BNC2: variants seen among roughly 807,000 people sequenced by gnomAD.
BNC2 encodes the protein zinc finger protein basonuclin-2.
BNC2 carries 20 observed loss-of-function variants against 76.3 expected under a neutral mutation model. The ratio of observed to expected loss-of-function variants is 0.26; its 90% confidence interval spans 0.18 to 0.38. The LOEUF is 0.38. Ranked by LOEUF, BNC2 falls within the 10% of genes least tolerant of loss-of-function variation. The pLI, the probability that BNC2 is intolerant of heterozygous loss-of-function variation, is 1.00. For synonymous variants in BNC2, 582 were observed against 514.8 expected (o/e 1.13, Z -1.77); for missense variants, 1,382 against 1,399.8 (o/e 0.99, Z 0.20).
intron 5 of BNC2, among the ~76,000 whole-genome samples, chr9:16,467,959 C>T (rs914326374): frequency 6.6e-6 from 1 of 151,796 alleles, no homozygotes; most frequent in African/African-American, 2.4e-5. Flanking sequence ...CATGCTATCA[C>T]TTCTTCCAAT....
intron 1 of BNC2, chr9:16,832,262 A>G (rs1304693373): frequency 2.3e-6 from 3 of 1,283,398 alleles, no homozygotes; most frequent in Middle Eastern, 2.1e-4. Context: ...GAGAAAATCT[A>G]GAAGGTTCTT....
chr9:16,482,466 A>C (rs1352119542), intron 5 of BNC2, among the ~76,000 whole-genome samples: 1 of 152,196 alleles, frequency 6.6e-6, no homozygotes, highest in Non-Finnish European at 1.5e-5. Flanking sequence ...AGAAAAAAAA[A>C]ACCCTCTTCT....
intron 3 of BNC2, among the ~76,000 whole-genome samples, chr9:16,711,835 AT>A (rs1823861098): frequency 6.6e-6 from 1 of 152,254 alleles, no homozygotes; most frequent in Non-Finnish European, 1.5e-5. Context: ...TAAAAGGCAA[AT>A]TAAAGGTATT....
At chr9:16,694,919 G>C in intron 3 of BNC2, among the ~76,000 whole-genome samples, 1 of 152,152 alleles carries the variant, frequency 6.6e-6, no homozygotes. Context: ...GTGAGAACTA[G>C]GGGAGATGAA....
chr9:16,592,774 C>A (rs1819967375), intron 3 of BNC2, among the ~76,000 whole-genome samples: 1 of 152,156 alleles, frequency 6.6e-6, no homozygotes, highest in South Asian at 2.1e-4. Flanking sequence ...CATAAGATAT[C>A]ATTCCCCAGG....
At chr9:16,427,977 T>C (rs1357531106) in intron 6 of BNC2, among the ~76,000 whole-genome samples, 1 of 152,178 alleles carries the variant, frequency 6.6e-6, no homozygotes. Context: ...AAGTTTTTTT[T>C]AATGTGGATT....
intron 5 of BNC2, among the ~76,000 whole-genome samples, chr9:16,528,096 G>T (rs1817867179): frequency 6.6e-6 from 1 of 152,170 alleles, no homozygotes; most frequent in South Asian, 2.1e-4. Flanking sequence ...GAGCTGTGGG[G>T]TTAGAATGAC....
rs534078837 is a variant in BNC2 at position 16,460,923 on chromosome 9, A to G, written c.670-23399T>C. Among the ~76,000 whole-genome samples the G allele has an allele frequency of 5.3e-5, 8 of 152,110 alleles. No individual in the cohort carries two copies. In the East Asian group the frequency reaches 1.5e-3, roughly 29 times the overall value. On this transcript the variant is annotated intron_variant, in intron 5 of 6. Transcript: ENST00000380672. ...ATACTTGTGGCCTTAGCATAAACCCAAGGATTAACTGAAATCTTGATCCTA... is the reference window on the plus strand; with the variant it reads ...ATACTTGTGGCCTTAGCATAAACCCGAGGATTAACTGAAATCTTGATCCTA...
intron 1 of BNC2, among the ~76,000 whole-genome samples, chr9:16,768,091 G>A (rs987126097): frequency 6.6e-5 from 10 of 151,554 alleles, no homozygotes; most frequent in Admixed American, 4.6e-4. Flanking sequence ...TCAGTCTCTC[G>A]AGTAGCTGGG....
intron 1 of BNC2, among the ~76,000 whole-genome samples, chr9:16,761,599 T>C (rs10810616): frequency 0.46 from 69,509 of 152,166 alleles, 21,262 homozygotes; most frequent in Non-Finnish European, 0.69. Flanking sequence ...AACCATTCTA[T>C]TTAATTTATA....
chr9:16,723,505 G>A (rs1278393501), intron 3 of BNC2, among the ~76,000 whole-genome samples: 1 of 151,470 alleles, frequency 6.6e-6, no homozygotes, highest in African/African-American at 2.4e-5. Context: ...AAAAATTGGG[G>A]GGGGGGACAA....
At chr9:16,623,034 G>A (rs1820905714) in intron 3 of BNC2, among the ~76,000 whole-genome samples, 1 of 152,082 alleles carries the variant, frequency 6.6e-6, no homozygotes, top group African/African-American at 2.4e-5. Context: ...AAAACAGGAG[G>A]AGAAGATTAA....
rs567534587 is a variant in BNC2 at position 16,552,497 on chromosome 9, C to T, written c.669+33G>A. On this transcript the variant is annotated intron_variant, in intron 5 of 6. Coordinates refer to ENST00000380672, the MANE Select transcript of BNC2 (RefSeq NM_017637.6). ...ACCCTTCCCCACCCACAGTCGGCCC[C>T]GGACACGGGCGGCGTTCAAGTCCTC... is the stretch of plus-strand genomic sequence containing the variant. 1.9e-5 allele frequency: 31 copies of T among 1,595,830 alleles called. No individual in the cohort carries two copies. The East Asian group carries it at 2.0e-4, about 10-fold the overall frequency.
At chr9:16,456,530 CAAA>C (rs35557788) in intron 5 of BNC2, among the ~76,000 whole-genome samples, 96 of 107,180 alleles carry the variant, frequency 9.0e-4, no homozygotes, top group Middle Eastern at 0.011. Context: ...GACTCCGTCT[CAAA>C]AAAAAAAAAA....
chr9:16,598,115 G>A (rs1165639027), intron 3 of BNC2, among the ~76,000 whole-genome samples: 3 of 152,096 alleles, frequency 2.0e-5, no homozygotes, highest in Non-Finnish European at 4.4e-5. Flanking sequence ...CACATCACGT[G>A]CTAGACACTT....
intron 3 of BNC2, among the ~76,000 whole-genome samples, chr9:16,639,468 C>A (rs2133832818): frequency 6.6e-6 from 1 of 152,264 alleles, no homozygotes; most frequent in East Asian, 1.9e-4. Context: ...TCTCAATACA[C>A]CACTGTTGAA....
chr9:16,850,269 T>C (rs918036025), intron 1 of BNC2, among the ~76,000 whole-genome samples: 4 of 152,192 alleles, frequency 2.6e-5, no homozygotes, highest in African/African-American at 4.8e-5. Context: ...TACAAAGGGC[T>C]ACAAAATAAT....
intron 5 of BNC2, among the ~76,000 whole-genome samples, chr9:16,438,435 A>T (rs13301531): frequency 0.25 from 38,262 of 152,086 alleles, 5,279 homozygotes; most frequent in Admixed American, 0.36. Flanking sequence ...ATGTGTTGTT[A>T]AATATACATT....
intron 1 of BNC2, among the ~76,000 whole-genome samples, chr9:16,788,405 T>C (rs1329242402): frequency 6.6e-6 from 1 of 151,814 alleles, no homozygotes; most frequent in Middle Eastern, 3.2e-3. Context: ...TACAAAAAAT[T>C]AGCCGGGCGT....
Sources: gnomAD v4.1 joint callset for allele counts (sites outside exome capture counted in the v4.1 genomes callset) on GRCh38, gnomAD v4.1.1 for gene constraint, MANE v1.5 for transcripts, NCBI Gene and HGNC (gene_info 2026-07-23, HGNC 2026-07-21) for gene names.